Variants in LRP1B observed in about 807,000 individuals in gnomAD.
LRP1B encodes the protein low-density lipoprotein receptor-related protein 1B.
A neutral mutation model predicts 556.6 loss-of-function variants in LRP1B; 217 were observed. The observed-to-expected ratio is 0.39, with a 90% CI of 0.35 to 0.44. The LOEUF (loss-of-function observed/expected upper bound fraction) is 0.44. Among genes scored for constraint, LRP1B ranks in the 20% least tolerant of loss-of-function variants. LRP1B has a pLI of 1.00. For missense variants in LRP1B, 5,053 were observed against 5,620.8 expected (o/e 0.90, Z 3.23); for synonymous variants, 2,047 against 1,865.8 (o/e 1.10, Z -2.50).
chr2:141,678,567 T>C (rs1166365203), intron 2 of LRP1B, among the ~76,000 whole-genome samples: 1 of 151,924 alleles, frequency 6.6e-6, no homozygotes, highest in Non-Finnish European at 1.5e-5. Context: ...ATAGAAGAAA[T>C]GGGAGAGAAA....
chr2:141,351,411 T>C (rs968654709), intron 3 of LRP1B, among the ~76,000 whole-genome samples: 2 of 152,032 alleles, frequency 1.3e-5, no homozygotes, highest in Admixed American at 1.3e-4. Context: ...GTTTTTCTCT[T>C]TAAATTCTCA....
intron 11 of LRP1B, among the ~76,000 whole-genome samples, chr2:141,044,497 G>T (rs1348446357): frequency 6.7e-6 from 1 of 149,074 alleles, no homozygotes; most frequent in Non-Finnish European, 1.5e-5. Context: ...TACAAAATGG[G>T]AGAAAATTTT....
At chr2:141,637,588 G>A (rs1558770671) in intron 2 of LRP1B, among the ~76,000 whole-genome samples, 1 of 152,146 alleles carries the variant, frequency 6.6e-6, no homozygotes, top group Admixed American at 6.6e-5. Context: ...TGTTTGTCAG[G>A]TATCTTCTCC....
chr2:141,793,453 T>A (rs1465150502), intron 2 of LRP1B, among the ~76,000 whole-genome samples: 1 of 152,068 alleles, frequency 6.6e-6, no homozygotes, highest in Middle Eastern at 3.4e-3. Flanking sequence ...CAGATTTATC[T>A]GGTCCCAGGT....
chr2:141,310,319 G>A (rs1686764458), intron 3 of LRP1B, among the ~76,000 whole-genome samples: 1 of 152,104 alleles, frequency 6.6e-6, no homozygotes, highest in Admixed American at 6.5e-5. Context: ...TTAAAACTGT[G>A]TGATCTTATA....
chr2:140,345,700 C>T (rs1003416541), intron 77 of LRP1B, among the ~76,000 whole-genome samples: 2 of 144,482 alleles, frequency 1.4e-5, no homozygotes, highest in East Asian at 4.0e-4. Context: ...TTCATGTCCT[C>T]TCATAACTCA....
intron 52 of LRP1B, among the ~76,000 whole-genome samples, chr2:140,508,785 T>C (rs1258310909): frequency 6.6e-6 from 1 of 152,188 alleles, no homozygotes; most frequent in African/African-American, 2.4e-5. Context: ...ATGTACTTAA[T>C]AGTACCCTTG....
chr2:141,868,273 C>T (rs762833800), intron 1 of LRP1B, among the ~76,000 whole-genome samples: 1 of 152,050 alleles, frequency 6.6e-6, no homozygotes, highest in Admixed American at 6.6e-5. Flanking sequence ...AGAGATGCCC[C>T]GGTGAGAAGC....
intron 2 of LRP1B, among the ~76,000 whole-genome samples, chr2:141,800,424 C>A (rs1006862111): frequency 2.0e-5 from 3 of 152,160 alleles, no homozygotes; most frequent in African/African-American, 7.2e-5. Context: ...TAAGTAGGGC[C>A]ACAAATCTCC....
At chr2:140,907,845 T>C (rs2105231400) in intron 22 of LRP1B, 32 bp downstream of exon 22, 4 of 1,591,306 alleles carry the variant, frequency 2.5e-6, no homozygotes. Flanking sequence ...GTAGTTTTCA[T>C]GGAGAAGTCA....
chr2:141,340,284 G>A lies in LRP1B; in HGVS notation c.344-85643C>T, dbSNP rs187950015. On this transcript the variant is annotated intron_variant, in intron 3 of 90. Coordinates refer to ENST00000389484, the MANE Select transcript of LRP1B (RefSeq NM_018557.3). The stretch of plus-strand genomic sequence containing the variant: ...CAATTTTATTACAAGCCTCATGTGA[G>A]AAGCACCAGGCAGCACTGTTTGCTG... Among the ~76,000 whole-genome samples, 12 of 152,286 alleles carry A rather than the reference G, an allele frequency of 7.9e-5. No individual in the cohort carries two copies. The East Asian group carries it at 2.1e-3, about 27-fold the overall frequency.
At chr2:141,759,358 C>A (rs547328921) in intron 2 of LRP1B, among the ~76,000 whole-genome samples, 1 of 151,934 alleles carries the variant, frequency 6.6e-6, no homozygotes, top group Non-Finnish European at 1.5e-5. Flanking sequence ...CAAAGGAAAA[C>A]CTTGAGATGT....
intron 2 of LRP1B, among the ~76,000 whole-genome samples, chr2:141,643,774 A>G (rs1356366770): frequency 6.6e-6 from 1 of 152,108 alleles, no homozygotes; most frequent in Non-Finnish European, 1.5e-5. Context: ...ATAGAGGACG[A>G]TGCTGTGACC....
chr2:140,891,066 CT>C (rs1179470035), intron 23 of LRP1B, among the ~76,000 whole-genome samples: 28 of 152,160 alleles, frequency 1.8e-4, no homozygotes, highest in Non-Finnish European at 4.0e-4. Context: ...ATACTATCCT[CT>C]TAATAGAGAA....
intron 1 of LRP1B, among the ~76,000 whole-genome samples, chr2:141,953,332 G>A (rs1701162772): frequency 6.6e-6 from 1 of 151,916 alleles, no homozygotes; most frequent in East Asian, 1.9e-4. Context: ...TTTATATTGA[G>A]TAGATTAAAA....
intron 2 of LRP1B, among the ~76,000 whole-genome samples, chr2:141,614,943 A>T (rs1688241261): frequency 6.6e-6 from 1 of 152,212 alleles, no homozygotes; most frequent in Admixed American, 6.5e-5. Flanking sequence ...ATAACGTGGA[A>T]GTGGCTTTGG....
chr2:141,842,041 G>A (rs955367450), intron 1 of LRP1B, among the ~76,000 whole-genome samples: 1 of 152,072 alleles, frequency 6.6e-6, no homozygotes, highest in African/African-American at 2.4e-5. Flanking sequence ...TTAAGAAAAA[G>A]AGATCTGAAA....
At chr2:141,289,744 G>A (rs1685870078) in intron 3 of LRP1B, among the ~76,000 whole-genome samples, 1 of 152,074 alleles carries the variant, frequency 6.6e-6, no homozygotes, top group Non-Finnish European at 1.5e-5. Context: ...AGATGGGATA[G>A]GAAAACACGA....
At chr2:141,088,713 C>T (rs1203932747) in intron 7 of LRP1B, among the ~76,000 whole-genome samples, 2 of 152,116 alleles carry the variant, frequency 1.3e-5, no homozygotes, top group Non-Finnish European at 2.9e-5. Context: ...CAAGGTAAAT[C>T]GAAACCATGG....
Sources: allele counts gnomAD v4.1 joint callset (sites outside exome capture counted in the v4.1 genomes callset), GRCh38; gene constraint gnomAD v4.1.1; transcripts MANE v1.5; gene names NCBI Gene and HGNC (gene_info 2026-07-23, HGNC 2026-07-21).